Variants in PRDM6 observed in about 807,000 individuals in gnomAD.
The protein encoded by PRDM6 is PR/SET domain 6.
In PRDM6, 25 loss-of-function variants were observed where a neutral mutation model predicts 60.8. The observed-to-expected ratio is 0.41, with a 90% CI of 0.30 to 0.57. The LOEUF (loss-of-function observed/expected upper bound fraction) is 0.57, where lower values mean the gene tolerates loss of function less well. PRDM6 is among the 20% of genes least tolerant of loss of function. The pLI is 0.27. For synonymous variants in PRDM6, 407 were observed against 357.4 expected (o/e 1.14, Z -1.57); for missense variants, 839 against 821.3 (o/e 1.02, Z -0.26).
rs1766470152 is a variant in PRDM6 at position 123,193,569 on chromosome 5, A to G, written c.*6368A>G. The G allele has an allele frequency of 6.6e-6, 1 of 152,210 alleles. No individual in the cohort carries two copies. Among genetic ancestry groups the G allele is most frequent in the Non-Finnish European group, 1.5e-5 (1 of 68,038 alleles). The allele number at this position is 152,210 out of a possible 1,614,324, so 9.4% of individuals were successfully genotyped here. A position where few individuals can be genotyped will look rare whatever the true frequency, so the allele number is the denominator to read the frequency against. On this transcript the variant is annotated 3_prime_UTR_variant, in exon 8 of 8. Transcript: ENST00000407847. ...AGCCAGAGGCAAAATTATTCTCCTT[A>G]GCAGTTCTAAGTATTTCATGAAAAA...
intron 3 of PRDM6, among the ~76,000 whole-genome samples, chr5:123,114,640 T>C (rs1764392869): frequency 6.6e-6 from 1 of 152,268 alleles, no homozygotes; most frequent in African/African-American, 2.4e-5. Flanking sequence ...ATGCTAAATT[T>C]GATCATTCAG....
intron 3 of PRDM6, among the ~76,000 whole-genome samples, chr5:123,145,321 A>G (rs1480504337): frequency 6.6e-6 from 1 of 152,186 alleles, no homozygotes; most frequent in East Asian, 1.9e-4. Context: ...CACCTATGGC[A>G]CTGTAAATTA....
intron 3 of PRDM6, among the ~76,000 whole-genome samples, chr5:123,141,720 A>G (rs1424643968): frequency 6.6e-6 from 1 of 152,162 alleles, no homozygotes; most frequent in Admixed American, 6.5e-5. Flanking sequence ...TTTCAGAAAT[A>G]TTGAAGTAGA....
intron 3 of PRDM6, among the ~76,000 whole-genome samples, chr5:123,107,029 T>C (rs1764211369): frequency 6.6e-6 from 1 of 152,206 alleles, no homozygotes; most frequent in Admixed American, 6.5e-5. Context: ...ATCTTACAAT[T>C]ATGAAATTTC....
chr5:123,149,475 G>A (rs906978648), intron 3 of PRDM6, among the ~76,000 whole-genome samples: 2 of 152,184 alleles, frequency 1.3e-5, no homozygotes, highest in Non-Finnish European at 2.9e-5. Flanking sequence ...TGTTCAGTGA[G>A]AGATATTGGG....
Position 123,090,465 on chromosome 5 carries a change from G to A in PRDM6, c.451G>A (p.Gly151Ser). 1 of 1,482,090 alleles carries A rather than the reference G, an allele frequency of 6.7e-7. No homozygotes were observed. Among genetic ancestry groups the A allele is most frequent in the Admixed American group, 2.3e-5 (1 of 43,840 alleles). The allele number at this position is 1,482,090 out of a possible 1,614,324, so 91.8% of individuals were successfully genotyped here. Residue 151 changes from glycine to serine, a missense_variant, in exon 2 of 8, where the codon GGT becomes AGT. By Grantham distance (56) the Gly-to-Ser change is moderately conservative. Transcript: ENST00000407847. ...ATSGPGPVKC[G>S]GGGGGGGEGR... ...CTCCGGCCCCGGGCCCGTCAAGTGC[G>A]GTGGTGGTGGCGGCGGCGGCGGGGA...
intron 3 of PRDM6, among the ~76,000 whole-genome samples, chr5:123,128,014 C>T (rs371108198): frequency 7.3e-5 from 11 of 151,720 alleles, no homozygotes; most frequent in African/African-American, 1.9e-4. Context: ...TGAGAACATG[C>T]GGTGTTTGGT....
rs141870014 is a variant in PRDM6, at chr5:123,103,574, G to C, written c.900+3613G>C. 2.6e-5 allele frequency among the ~76,000 whole-genome samples: 4 copies of C among 152,128 alleles called. No homozygotes were observed. The East Asian group carries it at 7.7e-4, about 29-fold the overall frequency. ...TCCTAATGTGTTTTCCAATAAAGAA[G>C]TGAAAAGGCACATTTGATTCCAACA... On this transcript the variant is annotated intron_variant, in intron 3 of 7. Coordinates refer to ENST00000407847, the MANE Select transcript of PRDM6 (RefSeq NM_001136239.4).
At chr5:123,152,194 T>C (rs540380982) in intron 3 of PRDM6, among the ~76,000 whole-genome samples, 1 of 152,242 alleles carries the variant, frequency 6.6e-6, no homozygotes, top group African/African-American at 2.4e-5. Flanking sequence ...TTTTCAGTGG[T>C]GGCAGGAATT....
rs1766450794 is a variant in PRDM6, at chr5:123,192,427, C to G, written c.*5226C>G. The G allele has an allele frequency of 6.6e-6, 1 of 151,970 alleles. No homozygotes were observed. Among genetic ancestry groups the G allele is most frequent in the Admixed American group, 6.6e-5 (1 of 15,260 alleles). 9.4% of individuals were successfully genotyped at this position (151,970 alleles called of 1,614,324 possible). On this transcript the variant is annotated 3_prime_UTR_variant, in exon 8 of 8. Coordinates refer to ENST00000407847, the MANE Select transcript of PRDM6 (RefSeq NM_001136239.4). ...AAGAGCTTTTAAAAATTAATAAACA[C>G]AAGTATAATTTATTTATAAAATGTG...
chr5:123,172,861 C>T (rs1765924631), intron 6 of PRDM6, among the ~76,000 whole-genome samples: 1 of 152,152 alleles, frequency 6.6e-6, no homozygotes, highest in Non-Finnish European at 1.5e-5. Flanking sequence ...GATACTGAAA[C>T]AGACTGTTTT....
At chr5:123,098,905 C>T (rs1764027553) in intron 2 of PRDM6, among the ~76,000 whole-genome samples, 1 of 144,376 alleles carries the variant, frequency 6.9e-6, no homozygotes, top group South Asian at 2.5e-4. Context: ...GACCCCATTT[C>T]GGGCGCGCCC....
chr5:123,182,790 T>G (rs543274449), intron 7 of PRDM6, among the ~76,000 whole-genome samples: 1 of 152,290 alleles, frequency 6.6e-6, no homozygotes, highest in Admixed American at 6.5e-5. Context: ...TTCCTACTTT[T>G]ATCTAGACAG....
chr5:123,187,049 C>G, intron 7 of PRDM6, 38 bp from the exon 8 acceptor site: 1 of 1,475,310 alleles, frequency 6.8e-7, no homozygotes, highest in Non-Finnish European at 9.3e-7. Flanking sequence ...CTGCAGGCCC[C>G]GCTCCCTGGT....
rs1186968583 is a variant in PRDM6 at position 123,125,153 on chromosome 5, C to G, written c.900+25192C>G. The stretch of plus-strand genomic sequence containing the variant: ...GTATAATTACATACCGCACCCCCTC[C>G]CCCCCACCCGCCGGCCCCGCCACAC... On this transcript the variant is annotated intron_variant, in intron 3 of 7. Coordinates refer to ENST00000407847, the MANE Select transcript of PRDM6 (RefSeq NM_001136239.4). Among the ~76,000 whole-genome samples the G allele has an allele frequency of 5.8e-5, 8 of 137,144 alleles. No individual in the cohort carries two copies. In the South Asian group the frequency reaches 2.0e-3, roughly 35 times the overall value. The allele number at this position is 137,144 out of a possible 152,430, so 90.0% of individuals were successfully genotyped here. A position where few individuals can be genotyped will look rare whatever the true frequency, so the allele number is the denominator to read the frequency against.
chr5:123,136,959 A>G (rs1764971751), intron 3 of PRDM6, among the ~76,000 whole-genome samples: 1 of 152,176 alleles, frequency 6.6e-6, no homozygotes, highest in African/African-American at 2.4e-5. Flanking sequence ...TGGGGCTTTA[A>G]TTCCCAGCTA....
At chr5:123,153,000 T>G (rs530783614) in intron 3 of PRDM6, among the ~76,000 whole-genome samples, 2 of 152,350 alleles carry the variant, frequency 1.3e-5, no homozygotes, top group East Asian at 3.8e-4. Context: ...TTCTTATATT[T>G]CTACTCCTAT....
At chr5:123,162,198 C>T (rs937586002) in intron 5 of PRDM6, among the ~76,000 whole-genome samples, 10 of 152,092 alleles carry the variant, frequency 6.6e-5, no homozygotes, top group Non-Finnish European at 1.5e-4. Flanking sequence ...GGATCTCTGG[C>T]GTGGGAGACT....
chr5:123,090,034 C>T lies in PRDM6; in HGVS notation c.20C>T (p.Pro7Leu). Residue 7 changes from proline to leucine, a missense_variant, in exon 2 of 8, where the codon CCC (proline) becomes CTC (leucine). Pro to Leu is a moderately conservative substitution (Grantham distance 98). Around this residue, in one of 2 missense-constraint regions of PRDM6, gnomAD observed 730 missense variants for 648.8 expected, o/e 1.13. Transcript: ENST00000407847. MLKPGD[P>L]GGSAFLKVDP... is the part of the protein sequence containing the mutation. ...CCGGACATGCTGAAGCCCGGAGACC[C>T]CGGCGGTTCGGCCTTCCTCAAAGTG... is the stretch of plus-strand genomic sequence containing the variant. 3 of 1,548,018 alleles carry T rather than the reference C, an allele frequency of 1.9e-6. No individual in the cohort carries two copies. Among genetic ancestry groups the T allele is most frequent in the Non-Finnish European group, 1.7e-6 (2 of 1,145,874 alleles).
Sources: allele counts gnomAD v4.1 joint callset (sites outside exome capture counted in the v4.1 genomes callset), GRCh38; gene constraint gnomAD v4.1.1; regional missense constraint gnomAD v4.1.1; transcripts MANE v1.5; gene names NCBI Gene and HGNC (gene_info 2026-07-23, HGNC 2026-07-21).